Variants in MTA3 observed in about 807,000 individuals in gnomAD.
The protein encoded by MTA3 is metastasis associated 1 family member 3.
In MTA3, 34 loss-of-function variants were observed where a neutral mutation model predicts 83.5. The observed-to-expected ratio is 0.41, with a 90% CI of 0.31 to 0.54. The LOEUF is 0.54. Among genes scored for constraint, MTA3 ranks in the 20% least tolerant of loss-of-function variants. The pLI is 0.33. For missense variants in MTA3, 761 were observed against 726.4 expected, an observed-to-expected ratio of 1.05 and a Z score of -0.55; for synonymous variants, 303 against 252.7, an observed-to-expected ratio of 1.20 and a Z score of -1.89.
chr2:42,673,078 C>A (rs1436439813), intron 8 of MTA3, among the ~76,000 whole-genome samples: 1 of 151,852 alleles, frequency 6.6e-6, no homozygotes, highest in East Asian at 1.9e-4. Context: ...AACTCCTGAC[C>A]TCAAGTGATC....
chr2:42,584,031 C>T (rs1403653626), intron 3 of MTA3, among the ~76,000 whole-genome samples: 2 of 151,600 alleles, frequency 1.3e-5, no homozygotes, highest in East Asian at 1.9e-4. Context: ...TTAGTAGAGA[C>T]GGGGTTTCTC....
rs1336378893 is a variant in MTA3 at position 42,530,828 on chromosome 2, TTTTG to T, written c.-141+35586_-141+35589del. On this transcript the variant is annotated intron_variant, in intron 2 of 17. Transcript: ENST00000405592. The stretch of plus-strand genomic sequence containing the variant: ...ACTTAATCCCCATTGTGGTAGTATT[TTTTG>T]TTTGTTTGTTTTTTTGAGACAGAGT... 5.3e-5 allele frequency among the ~76,000 whole-genome samples: 8 copies of T among 152,012 alleles called. No individual in the cohort carries two copies. In the South Asian group the frequency reaches 1.2e-3, roughly 24 times the overall value.
chr2:42,495,310 T>C (rs1674082113), intron 2 of MTA3: 1 of 150,838 alleles, frequency 6.6e-6, no homozygotes, highest in Non-Finnish European at 1.5e-5. Context: ...AGAATGAAAA[T>C]CTCTGTGAGT....
At chr2:42,626,779 C>T (rs1201010987) in intron 4 of MTA3, among the ~76,000 whole-genome samples, 3 of 151,836 alleles carry the variant, frequency 2.0e-5, no homozygotes, top group Admixed American at 6.6e-5. Context: ...CTTGCTTTGT[C>T]GCCCAGGATG....
At chr2:42,745,839 G>T (rs1468072634) in intron 16 of MTA3, among the ~76,000 whole-genome samples, 6 of 44,534 alleles carry the variant, frequency 1.3e-4, no homozygotes, top group Admixed American at 1.2e-3. Flanking sequence ...TTTTGAGACA[G>T]AGTCTCGCTC....
At chr2:42,753,039 C>T (rs552865285) in intron 16 of MTA3, among the ~76,000 whole-genome samples, 4 of 152,178 alleles carry the variant, frequency 2.6e-5, no homozygotes, top group African/African-American at 9.7e-5. Context: ...GTCCTCCCCC[C>T]TCAGCCTCCT....
intron 16 of MTA3, among the ~76,000 whole-genome samples, chr2:42,730,719 GA>G (rs1274629112): frequency 6.6e-6 from 1 of 152,168 alleles, no homozygotes; most frequent in Admixed American, 6.5e-5. Flanking sequence ...TGGCCTTGCA[GA>G]ATGAATTTGG....
intron 8 of MTA3, among the ~76,000 whole-genome samples, chr2:42,667,207 C>T (rs971413325): frequency 1.3e-5 from 2 of 152,082 alleles, no homozygotes; most frequent in Admixed American, 6.6e-5. Context: ...CCAGCATGCC[C>T]AGCTGTGATG....
At chr2:42,606,751 T>G (rs1231317348) in intron 3 of MTA3, among the ~76,000 whole-genome samples, 1 of 151,510 alleles carries the variant, frequency 6.6e-6, no homozygotes, top group Admixed American at 6.6e-5. Context: ...TAGGTTGTAG[T>G]GAGCCGAGAT....
chr2:42,575,757 G>C (rs943719220), intron 2 of MTA3, among the ~76,000 whole-genome samples: 3 of 152,192 alleles, frequency 2.0e-5, no homozygotes, highest in African/African-American at 7.2e-5. Flanking sequence ...TTGTTTTCTT[G>C]AGGCACATAG....
chr2:42,502,098 T>C (rs1418306227), intron 2 of MTA3, among the ~76,000 whole-genome samples: 3 of 148,300 alleles, frequency 2.0e-5, no homozygotes, highest in Non-Finnish European at 4.5e-5. Flanking sequence ...AATCAATACA[T>C]GGAGGCCATA....
At chr2:42,742,187 G>A (rs1440928662) in intron 16 of MTA3, among the ~76,000 whole-genome samples, 1 of 149,152 alleles carries the variant, frequency 6.7e-6, no homozygotes, top group Non-Finnish European at 1.5e-5. Context: ...TGCCCAGGCT[G>A]AAGTGCAGTG....
intron 5 of MTA3, among the ~76,000 whole-genome samples, chr2:42,642,986 C>T (rs1485709410): frequency 3.3e-5 from 5 of 151,118 alleles, no homozygotes; most frequent in Admixed American, 3.3e-4. Context: ...TTTTTCTTTC[C>T]TTAGATAGCA....
intron 11 of MTA3, among the ~76,000 whole-genome samples, chr2:42,698,778 T>C (rs1259345346): frequency 1.3e-5 from 2 of 152,208 alleles, no homozygotes; most frequent in African/African-American, 4.8e-5. Context: ...TTCTGATCTT[T>C]CATATTGATC....
At chr2:42,541,834 A>G (rs549445186) in intron 2 of MTA3, among the ~76,000 whole-genome samples, 2 of 152,270 alleles carry the variant, frequency 1.3e-5, no homozygotes, top group East Asian at 1.9e-4. Context: ...AGTAATACCT[A>G]TTCAAACCAC....
chr2:42,606,743 G>A (rs1202035431), intron 3 of MTA3, among the ~76,000 whole-genome samples: 7 of 151,706 alleles, frequency 4.6e-5, no homozygotes, highest in Admixed American at 4.6e-4. Context: ...GGGAGGTGTA[G>A]GTTGTAGTGA....
chr2:42,556,805 T>C (rs554987383), intron 2 of MTA3, among the ~76,000 whole-genome samples: 9 of 152,212 alleles, frequency 5.9e-5, no homozygotes, highest in Admixed American at 5.9e-4. Context: ...CCACAGAGTG[T>C]TCAACTCTAC....
intron 2 of MTA3, among the ~76,000 whole-genome samples, chr2:42,516,137 T>C (rs911101285): frequency 1.3e-5 from 2 of 152,016 alleles, no homozygotes; most frequent in Non-Finnish European, 2.9e-5. Flanking sequence ...CAGGATGGTC[T>C]TGATTTCCTG....
chr2:42,519,779 G>A (rs1380879550), intron 2 of MTA3, among the ~76,000 whole-genome samples: 1 of 151,948 alleles, frequency 6.6e-6, no homozygotes, highest in Non-Finnish European at 1.5e-5. Context: ...GCCGGTTACG[G>A]TGGCTCACAC....
Sources: allele counts gnomAD v4.1 joint callset (sites outside exome capture counted in the v4.1 genomes callset), GRCh38; gene constraint gnomAD v4.1.1; transcripts MANE v1.5; gene names NCBI Gene and HGNC (gene_info 2026-07-23, HGNC 2026-07-21).